SOX6: variants seen among roughly 807,000 people sequenced by gnomAD.
The protein encoded by SOX6 is transcription factor SOX-6.
A neutral mutation model predicts 97.8 loss-of-function variants in SOX6; 11 were observed. That is an observed-to-expected ratio of 0.11 (90% CI 0.07 to 0.19). The LOEUF (loss-of-function observed/expected upper bound fraction) is 0.19. Among genes scored for constraint, SOX6 ranks in the 10% least tolerant of loss-of-function variants. The pLI, the probability that SOX6 is intolerant of heterozygous loss-of-function variation, is 1.00. For missense variants in SOX6, 810 were observed against 1,039.5 expected (o/e 0.78, Z 3.04); for synonymous variants, 360 against 371.4 (o/e 0.97, Z 0.35).
Position 15,972,804 on chromosome 11 carries a change from A to C in SOX6, c.*5T>G. On this transcript the variant is annotated 3_prime_UTR_variant, in exon 16 of 16. Transcript: ENST00000683767. ...GAGTACTTTAATTCAGCAAACAAAA[A>C]CTCCTCAGTTGGCACTGACAGCCTC... The C allele has an allele frequency of 6.2e-7, 1 of 1,613,652 alleles. No individual in the cohort carries two copies. Among genetic ancestry groups the C allele is most frequent in the Non-Finnish European group, 8.5e-7 (1 of 1,179,926 alleles).
At chr11:16,281,107 T>G (rs1854547209) in intron 3 of SOX6, among the ~76,000 whole-genome samples, 1 of 152,086 alleles carries the variant, frequency 6.6e-6, no homozygotes, top group Non-Finnish European at 1.5e-5. Context: ...TTCTATTCAC[T>G]CTACATCTGC....
chr11:16,530,028 C>T (rs1473202207), intron 4 of SOX6, among the ~76,000 whole-genome samples: 1 of 151,546 alleles, frequency 6.6e-6, no homozygotes, highest in African/African-American at 2.4e-5. Context: ...CTCATTTATC[C>T]AAAATTTGTG....
At chr11:15,993,578 G>A (rs1854123666) in intron 13 of SOX6, among the ~76,000 whole-genome samples, 1 of 152,146 alleles carries the variant, frequency 6.6e-6, no homozygotes, top group Non-Finnish European at 1.5e-5. Context: ...GAGATCAACA[G>A]CACCACAGTA....
At chr11:16,295,977 G>A (rs1369551873) in intron 3 of SOX6, among the ~76,000 whole-genome samples, 1 of 152,120 alleles carries the variant, frequency 6.6e-6, no homozygotes, top group Non-Finnish European at 1.5e-5. Context: ...GTGCTGCACA[G>A]TAATTGGACT....
chr11:16,111,762 C>A lies in SOX6; in HGVS notation c.898+41G>T, dbSNP rs753375010. 3.7e-6 allele frequency: 6 copies of A among 1,611,528 alleles called. No individual in the cohort carries two copies. The Admixed American group carries it at 1.0e-4, about 27-fold the overall frequency. ...GAGTACTAAGCATAAACATGCAGATCTGAGCATTTGGAAAAGAATGTTAAA... is the reference window on the plus strand; with the variant it reads ...GAGTACTAAGCATAAACATGCAGATATGAGCATTTGGAAAAGAATGTTAAA... On this transcript the variant is annotated intron_variant, in intron 7 of 15. Transcript: ENST00000683767.
At chr11:16,591,164 T>C (rs536957577) in intron 4 of SOX6, among the ~76,000 whole-genome samples, 80 of 152,246 alleles carry the variant, frequency 5.3e-4, no homozygotes, top group African/African-American at 1.9e-3. Context: ...AACATGAGAA[T>C]TGTTTGCAGC....
chr11:16,218,152 T>C (rs1453740336), intron 4 of SOX6, among the ~76,000 whole-genome samples: 1 of 152,158 alleles, frequency 6.6e-6, no homozygotes, highest in Non-Finnish European at 1.5e-5. Flanking sequence ...GACTGGATTT[T>C]AATTTTCTAA....
chr11:16,067,127 G>C (rs574735497), intron 9 of SOX6, among the ~76,000 whole-genome samples: 1 of 152,282 alleles, frequency 6.6e-6, no homozygotes, highest in East Asian at 1.9e-4. Context: ...CCTTGTTTCA[G>C]GTGAGACTTT....
chr11:16,545,026 C>T (rs1185203038), intron 4 of SOX6, among the ~76,000 whole-genome samples: 1 of 152,012 alleles, frequency 6.6e-6, no homozygotes, highest in Middle Eastern at 3.4e-3. Context: ...AGTTCAACAC[C>T]AGCCTAGGCA....
At chr11:16,569,972 A>G (rs1345069886) in intron 4 of SOX6, among the ~76,000 whole-genome samples, 1 of 152,086 alleles carries the variant, frequency 6.6e-6, no homozygotes, top group African/African-American at 2.4e-5. Flanking sequence ...ACCAGTTAAT[A>G]TAAGCCCAAA....
At chr11:16,693,050 T>C (rs1848027995) in intron 3 of SOX6, among the ~76,000 whole-genome samples, 1 of 152,220 alleles carries the variant, frequency 6.6e-6, no homozygotes, top group Admixed American at 6.5e-5. Context: ...CCATTAATGA[T>C]GTGATGGGTA....
chr11:16,568,968 T>C (rs1261689076), intron 4 of SOX6, among the ~76,000 whole-genome samples: 1 of 152,202 alleles, frequency 6.6e-6, no homozygotes. Flanking sequence ...CCTAGCACAA[T>C]GTCTATGCTA....
At chr11:16,312,796 C>G (rs1855643137) in intron 3 of SOX6, 2 of 152,230 alleles carry the variant, frequency 1.3e-5, no homozygotes, top group Middle Eastern at 3.4e-3. Context: ...GCTATATTGG[C>G]AACAAGACGG....
chr11:16,605,743 G>A lies in SOX6; in HGVS notation n.609+6338C>T, dbSNP rs1252017631. 6.6e-6 allele frequency among the ~76,000 whole-genome samples: 1 copy of A among 152,028 alleles called. No homozygotes were observed. The highest frequency in any genetic ancestry group is 1.5e-5 in the Non-Finnish European group (1 of 68,000). ...AAACCGAAATGGGGGTGGGGTGGGG[G>A]TAGCATTAAGAAGCCCAGAAGCTCA... On this transcript the variant is annotated intron_variant and non_coding_transcript_variant, in intron 4 of 5. Coordinates refer to the SOX6 transcript ENST00000524520. This position sits in a 1 kb window ranked among gnomAD's most constrained non-coding sequence, Gnocchi z 5.3.
chr11:16,684,937 A>G (rs1307402542), intron 3 of SOX6, among the ~76,000 whole-genome samples: 1 of 152,070 alleles, frequency 6.6e-6, no homozygotes, highest in African/African-American at 2.4e-5. Flanking sequence ...AAGCGGTACC[A>G]GACGTGTCAC....
chr11:15,991,797 A>G (rs1484963718), intron 13 of SOX6, among the ~76,000 whole-genome samples: 1 of 152,200 alleles, frequency 6.6e-6, no homozygotes, highest in Admixed American at 6.5e-5. Flanking sequence ...TGGTATAAAC[A>G]TTCTAGATTC....
At chr11:16,638,836 T>A (rs1848840515) in intron 3 of SOX6, among the ~76,000 whole-genome samples, 1 of 152,198 alleles carries the variant, frequency 6.6e-6, no homozygotes, top group Non-Finnish European at 1.5e-5. Context: ...GTCAGATGAG[T>A]AGATTGCAAA....
At chr11:16,067,694 T>A (rs560652631) in intron 9 of SOX6, among the ~76,000 whole-genome samples, 1 of 152,166 alleles carries the variant, frequency 6.6e-6, no homozygotes, top group Non-Finnish European at 1.5e-5. Context: ...ACACAAAGGA[T>A]AAATGCTTGA....
rs186236789 is a variant in SOX6, at chr11:16,079,555, A to T, written c.1101+16441T>A. 8.4e-3 allele frequency among the ~76,000 whole-genome samples: 1,279 copies of T among 152,280 alleles called. 8 individuals carry two copies. The highest frequency in any genetic ancestry group is 0.014 in the Non-Finnish European group (930 of 68,012). ...ATAATACATAGATTTATTAAATATA[A>T]ATTTCATGTTAATACTAAAGTAAAA... is the stretch of plus-strand genomic sequence containing the variant. On this transcript the variant is annotated intron_variant, in intron 9 of 15. Coordinates refer to ENST00000683767, the MANE Select transcript of SOX6 (RefSeq NM_001367873.1).
Sources: gnomAD v4.1 joint callset for allele counts (sites outside exome capture counted in the v4.1 genomes callset) on GRCh38, gnomAD v4.1.1 for gene constraint, Gnocchi (gnomAD v3.1) non-coding constraint, MANE v1.5 for transcripts, NCBI Gene and HGNC (gene_info 2026-07-23, HGNC 2026-07-21) for gene names.